Variants in ZNF385B observed in about 807,000 individuals in gnomAD.
ZNF385B encodes the protein zinc finger protein 533.
In ZNF385B, 23 loss-of-function variants were observed where a neutral mutation model predicts 39.2. The ratio of observed to expected loss-of-function variants is 0.59; its 90% CI spans 0.42 to 0.83. The LOEUF (loss-of-function observed/expected upper bound fraction) is 0.83, where lower values mean the gene tolerates loss of function less well. Ranked by LOEUF, ZNF385B falls within the 40% of genes least tolerant of loss-of-function variation. The pLI is 0.00. For synonymous variants in ZNF385B, 205 were observed against 222.6 expected (o/e 0.92, Z 0.70); for missense variants, 552 against 598.9 (o/e 0.92, Z 0.82).
At chr2:179,485,711 T>A (rs1574386237) in intron 5 of ZNF385B, among the ~76,000 whole-genome samples, 2 of 152,330 alleles carry the variant, frequency 1.3e-5, no homozygotes, top group South Asian at 4.1e-4. Flanking sequence ...GGTGATAGAT[T>A]CATGCCACAG....
In ZNF385B at chr2:179,860,305, T is replaced by C. The variant is rs116385978; in HGVS notation, c.-155+796A>G. Among the ~76,000 whole-genome samples the C allele has an allele frequency of 7.7e-3, 1,172 of 152,228 alleles. 11 individuals carry two copies. The highest frequency in any genetic ancestry group is 0.027 in the African/African-American group (1,103 of 41,526). On this transcript the variant is annotated intron_variant, in intron 1 of 9. Coordinates refer to ENST00000410066, the MANE Select transcript of ZNF385B (RefSeq NM_152520.6). ...GGGGGATACTTCTTGGCAATTTATT[T>C]CCCCTGAAGAACAGCACTCCCTATC...
At chr2:179,707,999 A>G (rs1020533151) in intron 3 of ZNF385B, among the ~76,000 whole-genome samples, 1 of 152,166 alleles carries the variant, frequency 6.6e-6, no homozygotes, top group African/African-American at 2.4e-5. Context: ...CCAGAATCTC[A>G]ATAAGAGCAG....
chr2:179,543,654 G>A (rs13388525), intron 4 of ZNF385B, among the ~76,000 whole-genome samples: 11,430 of 151,932 alleles, frequency 0.075, 592 homozygotes, highest in African/African-American at 0.15. Flanking sequence ...AACAATGCTC[G>A]CCTTTTGTAA....
chr2:179,591,317 G>A (rs1205479389), intron 3 of ZNF385B, among the ~76,000 whole-genome samples: 1 of 151,626 alleles, frequency 6.6e-6, no homozygotes, highest in African/African-American at 2.4e-5. Context: ...TTAGATTAAG[G>A]AAAAATGGGA....
chr2:179,466,943 AAG>A (rs1553560224), intron 6 of ZNF385B, among the ~76,000 whole-genome samples: 6 of 145,918 alleles, frequency 4.1e-5, no homozygotes, highest in African/African-American at 1.0e-4. Context: ...AAAAAAAAAA[AAG>A]AGAGAGAGAA....
intron 6 of ZNF385B, 152 bp downstream of exon 6, chr2:179,483,120 A>ATAT: frequency 1.2e-6 from 1 of 831,754 alleles, no homozygotes; most frequent in Non-Finnish European, 1.9e-6. Flanking sequence ...GATTCTGTGC[A>ATAT]AACATATAAT....
chr2:179,508,763 C>T (rs1372719440), intron 5 of ZNF385B, among the ~76,000 whole-genome samples: 1 of 152,100 alleles, frequency 6.6e-6, no homozygotes, highest in Admixed American at 6.5e-5. Context: ...TTTTTCATAA[C>T]ATCATATTAG....
chr2:179,756,729 T>C (rs924875931), intron 3 of ZNF385B, among the ~76,000 whole-genome samples: 10 of 152,240 alleles, frequency 6.6e-5, no homozygotes, highest in Non-Finnish European at 1.5e-4. Context: ...TCATTTGATC[T>C]TCAATGACTG....
At chr2:179,756,032 G>C (rs923471959) in intron 3 of ZNF385B, among the ~76,000 whole-genome samples, 14 of 152,260 alleles carry the variant, frequency 9.2e-5, no homozygotes, top group Middle Eastern at 3.4e-3. Context: ...CAGCCTCAGT[G>C]GTCTTTACAA....
At chr2:179,498,995 T>C (rs1439667180) in intron 5 of ZNF385B, among the ~76,000 whole-genome samples, 1 of 151,862 alleles carries the variant, frequency 6.6e-6, no homozygotes, top group East Asian at 1.9e-4. Context: ...ACATTACAAC[T>C]GATTCTGCAG....
intron 6 of ZNF385B, among the ~76,000 whole-genome samples, chr2:179,468,129 C>T (rs756641234): frequency 5.9e-5 from 9 of 152,178 alleles, no homozygotes; most frequent in Non-Finnish European, 1.3e-4. Context: ...GCACAAGCTG[C>T]CAGCCTCACA....
chr2:179,834,924 C>T (rs1312385877), intron 1 of ZNF385B, among the ~76,000 whole-genome samples: 1 of 152,112 alleles, frequency 6.6e-6, no homozygotes, highest in South Asian at 2.1e-4. Context: ...TCAGACACGT[C>T]AAAATTGAGA....
chr2:179,816,358 G>C (rs73973764), intron 1 of ZNF385B, among the ~76,000 whole-genome samples: 1 of 152,058 alleles, frequency 6.6e-6, no homozygotes, highest in Non-Finnish European at 1.5e-5. Context: ...GGTCCCCGCC[G>C]AAGGGACCTT....
chr2:179,728,299 A>G (rs994891541), intron 3 of ZNF385B, among the ~76,000 whole-genome samples: 7 of 152,158 alleles, frequency 4.6e-5, no homozygotes, highest in African/African-American at 1.7e-4. Flanking sequence ...ACAAAATCAC[A>G]TAAAAAGTTT....
intron 1 of ZNF385B, among the ~76,000 whole-genome samples, chr2:179,821,445 C>T (rs897201000): frequency 1.3e-5 from 2 of 152,078 alleles, no homozygotes; most frequent in African/African-American, 4.8e-5. Context: ...TAAATAAAGC[C>T]TCCAAATGAG....
intron 3 of ZNF385B, among the ~76,000 whole-genome samples, chr2:179,647,778 A>G (rs1692850843): frequency 6.6e-6 from 1 of 152,210 alleles, no homozygotes; most frequent in Non-Finnish European, 1.5e-5. Context: ...AGACTCAGAA[A>G]AGAGAGATGA....
rs571148419 is a variant in ZNF385B at position 179,518,777 on chromosome 2, C to T, written c.442-139G>A. The T allele has an allele frequency of 4.4e-4, 213 of 483,508 alleles. 1 individual carries two copies. Among genetic ancestry groups the T allele is most frequent in the African/African-American group, 3.9e-3 (195 of 49,600 alleles). The allele number at this position is 483,508 out of a possible 1,614,324, so 30.0% of individuals were successfully genotyped here. A position where few individuals can be genotyped will look rare whatever the true frequency, so the allele number is the denominator to read the frequency against. On this transcript the variant is annotated intron_variant, in intron 4 of 9. Coordinates refer to ENST00000410066, the MANE Select transcript of ZNF385B (RefSeq NM_152520.6). ...AAAGATAATAAAGAGTCTCCTTCAA[C>T]AGTAATATATTTGTCTCCAAAAATT...
intron 4 of ZNF385B, among the ~76,000 whole-genome samples, chr2:179,520,558 A>G (rs2058412471): frequency 6.6e-6 from 1 of 152,212 alleles, no homozygotes; most frequent in South Asian, 2.1e-4. Context: ...ATCTATTTGC[A>G]AAATAGGAAA....
At chr2:179,463,984 C>A (rs1397398411) in intron 6 of ZNF385B, among the ~76,000 whole-genome samples, 1 of 152,188 alleles carries the variant, frequency 6.6e-6, no homozygotes, top group Non-Finnish European at 1.5e-5. Context: ...AAAAGCATCC[C>A]TATTTCTCCA....
Sources: allele counts gnomAD v4.1 joint callset (sites outside exome capture counted in the v4.1 genomes callset), GRCh38; gene constraint gnomAD v4.1.1; transcripts MANE v1.5; gene names NCBI Gene and HGNC (gene_info 2026-07-23, HGNC 2026-07-21).